FAM83H: variants seen among roughly 807,000 people sequenced by gnomAD.
The protein encoded by FAM83H is protein FAM83H.
Under a neutral mutation model 30.2 loss-of-function variants are expected in FAM83H, and 24 were observed. That is an observed-to-expected ratio of 0.79 (90% CI 0.57 to 1.12). The LOEUF (loss-of-function observed/expected upper bound fraction) is 1.12, where lower values mean the gene tolerates loss of function less well. FAM83H is among the 50% of genes most tolerant of loss of function. The pLI, the probability that FAM83H is intolerant of heterozygous loss-of-function variation, is 0.00. For synonymous variants in FAM83H, 1,013 were observed against 821.7 expected (o/e 1.23, Z -3.98); for missense variants, 2,038 against 1,773.9 (o/e 1.15, Z -2.67).
At position 143,727,065 on chromosome 8, in the gene FAM83H, T is replaced by C. The variant is rs1554622285; in HGVS notation, c.2396A>G (p.Gln799Arg). 5 of 1,548,496 alleles carry C rather than the reference T, an allele frequency of 3.2e-6. No homozygotes were observed. The highest frequency in any genetic ancestry group is 1.9e-5 in the Admixed American group (1 of 52,474). The change falls in exon 5 of 5, where the codon CAG (glutamine) becomes CGG (arginine). Residue 799 changes from glutamine to arginine, a missense_variant. Coordinates refer to ENST00000388913, the MANE Select transcript of FAM83H (RefSeq NM_198488.5). ...CLLDLRDSFA[Q>R]QLHQEAERQP... ...CCGCTCCGCCTCCTGGTGCAGCTGC[T>C]GTGCAAAGGAGTCGCGCAGGTCCAG... is the stretch of plus-strand genomic sequence containing the variant.
chr8:143,731,894 C>T, intron 1 of FAM83H: 1 of 973,280 alleles, frequency 1.0e-6, no homozygotes, highest in Non-Finnish European at 1.2e-6. Context: ...CCCACGCACA[C>T]AGGGTCACTG....
chr8:143,727,109 GCGGCGCTCGCCCCCCACGGCA>G lies in FAM83H; in HGVS notation c.2331_2351del (p.Ala778_Arg784del), dbSNP rs1193097271. 1.3e-6 allele frequency: 2 copies of G among 1,535,946 alleles called. No individual in the cohort carries two copies. The highest frequency in any genetic ancestry group is 2.7e-5 in the African/African-American group (2 of 73,060). ...GGTCCAGCAGGCAGCTCTCGAGGCT[GCGGCGCTCGCCCCCCACGGCA>G]CCTGGGGCCGCCACCTCTTCCCGCC... On this transcript the variant is annotated inframe_deletion, in exon 5 of 5. Transcript: ENST00000388913.
rs1554623326 is a variant in FAM83H at position 143,728,359 on chromosome 8, C to T, written c.1102G>A (p.Glu368Lys). The T allele has an allele frequency of 6.5e-7, 1 of 1,541,978 alleles. No individual in the cohort carries two copies. Among genetic ancestry groups the T allele is most frequent in the Admixed American group, 2.0e-5 (1 of 50,658 alleles). The change falls in exon 5 of 5, where the codon GAA becomes AAA. Residue 368 changes from glutamate (E) to lysine (K), a missense_variant. Glu to Lys is a moderately conservative substitution (Grantham distance 56, BLOSUM62 1). Coordinates refer to ENST00000388913, the MANE Select transcript of FAM83H (RefSeq NM_198488.5). ...EPPRMPGGAL[E>K]PHAGLRPLSR... ...AGCGGCCGCAGCCCCGCGTGCGGTTCCAGCGCGCCCCCCGGCATCCGCGGC... is the reference window on the plus strand; with the variant it reads ...AGCGGCCGCAGCCCCGCGTGCGGTTTCAGCGCGCCCCCCGGCATCCGCGGC...
Position 143,727,520 on chromosome 8 carries a change from G to A in FAM83H, c.1941C>T (p.Ser647=), listed in dbSNP as rs1554622634. 3.2e-6 allele frequency: 5 copies of A among 1,578,794 alleles called. No homozygotes were observed. Among genetic ancestry groups the A allele is most frequent in the African/African-American group, 1.3e-5 (1 of 74,308 alleles). ...PTKVPVPGPG[S]GGNGPEREGP... ...CCTCGCGCTCTGGGCCGTTGCCGCC[G>A]CTGCCCGGGCCTGGCACCGGGACCT... Residue 647 remains serine, a synonymous_variant, in exon 5 of 5, where the codon AGC becomes AGT. Coordinates refer to ENST00000388913, the MANE Select transcript of FAM83H (RefSeq NM_198488.5).
chr8:143,731,266 C>T (rs532054688), intron 1 of FAM83H: 1 of 913,998 alleles, frequency 1.1e-6, no homozygotes, highest in South Asian at 5.0e-5. Flanking sequence ...GCCGCCCATG[C>T]TGCCCATGTG....
rs1337008633 is a variant in FAM83H, at chr8:143,726,056, G to A, written c.3405C>T (p.Arg1135=). The A allele has an allele frequency of 8.1e-6, 13 of 1,612,376 alleles. No homozygotes were observed. The highest frequency in any genetic ancestry group is 1.0e-5 in the Non-Finnish European group (12 of 1,179,820). ...SMRKEKRVYS[R]FEVFCKKEEA... ...CCTCTTTCTTGCAGAAGACCTCGAA[G>A]CGGCTGTACACGCGCTTCTCCTTGC... The change falls in exon 5 of 5, where the codon CGC becomes CGT. Residue 1135 remains arginine, a synonymous_variant. Transcript: ENST00000388913.
chr8:143,727,381 C>A lies in FAM83H; in HGVS notation c.2080G>T (p.Glu694Ter), dbSNP rs137854443. 6.4e-7 allele frequency: 1 copy of A among 1,572,064 alleles called. No homozygotes were observed. Among genetic ancestry groups the A allele is most frequent in the Non-Finnish European group, 8.6e-7 (1 of 1,167,368 alleles). ...GCCGCCGCAGCCCCGGCCGCGCCCTCGGCCTGTGACGTGCTGAAGATGAGC... is the reference window on the plus strand; with the variant it reads ...GCCGCCGCAGCCCCGGCCGCGCCCTAGGCCTGTGACGTGCTGAAGATGAGC... ...SSLIFSTSQA[E>*]GAAGAAAATE... Residue 694 changes from glutamate to a stop codon, truncating the protein, a stop_gained, in exon 5 of 5, where the codon GAG becomes TAG. Coordinates refer to ENST00000388913, the MANE Select transcript of FAM83H (RefSeq NM_198488.5). LOFTEE classifies it low-confidence loss of function (END_TRUNC).
rs1818390587 is a variant in FAM83H, at chr8:143,728,398, G to A, written c.1063C>T (p.Arg355Cys). Reference sequence around the variant, plus strand: ...GGCATCCGCGGCGGCTCCTCCCGGCGGAAGGCCGACAGGAAGTGGCGGTCC... The same window carrying A: ...GGCATCCGCGGCGGCTCCTCCCGGCAGAAGGCCGACAGGAAGTGGCGGTCC... The part of the protein sequence containing the change: ...DPDRHFLSAF[R>C]REEPPRMPGG... Residue 355 changes from arginine to cysteine, a missense_variant, in exon 5 of 5, where the codon CGC becomes TGC. Transcript: ENST00000388913. 2.6e-6 allele frequency: 4 copies of A among 1,547,014 alleles called. No individual in the cohort carries two copies. Among genetic ancestry groups the A allele is most frequent in the Non-Finnish European group, 3.5e-6 (4 of 1,144,942 alleles).
intron 1 of FAM83H, chr8:143,731,918 C>A (rs2129703042): frequency 1.0e-6 from 1 of 985,444 alleles, no homozygotes; most frequent in South Asian, 4.7e-5. Context: ...TACCTGGGTA[C>A]CTCTCCCTGG....
Position 143,727,302 on chromosome 8 carries a change from C to T in FAM83H, c.2159G>A (p.Gly720Glu), listed in dbSNP as rs1554622465. ...HKEQTVSETL[G>E]PGGEAVRSAA... ...GGAGCGCACGGCCTCTCCGCCGGGC[C>T]CCAGCGTCTCGCTGACCGTCTGCTC... The change falls in exon 5 of 5, where the codon GGG (glycine) becomes GAG (glutamate). Residue 720 changes from glycine to glutamate, a missense_variant. Transcript: ENST00000388913. 6.5e-7 allele frequency: 1 copy of T among 1,541,182 alleles called. No homozygotes were observed. The highest frequency in any genetic ancestry group is 1.9e-5 in the Admixed American group (1 of 51,552).
chr8:143,729,739 G>T (rs369750189), intron 2 of FAM83H, among the ~76,000 whole-genome samples: 11 of 152,316 alleles, frequency 7.2e-5, no homozygotes, highest in African/African-American at 2.6e-4. Flanking sequence ...AGCCTTTAGC[G>T]TCTGGACCTC....
intron 1 of FAM83H, chr8:143,732,319 A>C: frequency 1.0e-6 from 1 of 985,400 alleles, no homozygotes; most frequent in Non-Finnish European, 1.2e-6. Context: ...GTTAGGGCAC[A>C]CCGCTCTGGT....
chr8:143,729,041 C>G lies in FAM83H; in HGVS notation c.663G>C (p.Gly221=), dbSNP rs1554623667. 3.1e-6 allele frequency: 5 copies of G among 1,613,668 alleles called. No homozygotes were observed. Among genetic ancestry groups the G allele is most frequent in the Non-Finnish European group, 4.2e-6 (5 of 1,180,008 alleles). Residue 221 remains glycine (G), a synonymous_variant, in exon 4 of 5, where the codon GGG becomes GGC. Transcript: ENST00000388913. ...VAGPTYYCRT[G]KSFKGHVKEK... ...CCTTGACGTGGCCCTTGAAGGACTT[C>G]CCAGTGCGGCAGTAGTAGGTGGGGC...
chr8:143,726,589 G>T lies in FAM83H; in HGVS notation c.2872C>A (p.Pro958Thr), dbSNP rs1554621906. ...AGPAEEGPSG[P>T]MEVLRKGSLR... ...GAGCCTTTGCGCAGGACTTCCATGG[G>T]GCCGCTCGGCCCCTCCTCCGCGGGC... Residue 958 changes from proline to threonine, a missense_variant, in exon 5 of 5, where the codon CCC becomes ACC. Coordinates refer to ENST00000388913, the MANE Select transcript of FAM83H (RefSeq NM_198488.5). The T allele has an allele frequency of 1.2e-6, 2 of 1,600,816 alleles. No homozygotes were observed. Among genetic ancestry groups the T allele is most frequent in the South Asian group, 1.1e-5 (1 of 90,718 alleles).
In FAM83H at chr8:143,727,019, G is replaced by A; in HGVS notation, c.2442C>T (p.Leu814=). 3.8e-6 allele frequency: 6 copies of A among 1,567,688 alleles called. No homozygotes were observed. Among genetic ancestry groups the A allele is most frequent in the South Asian group, 2.3e-5 (2 of 87,340 alleles). ...GTGTGTCGAGCAGCTGCGCCGCGGTGAGCGACGCGGCTCCCGGCTGCCGCT... is the reference window on the plus strand; with the variant it reads ...GTGTGTCGAGCAGCTGCGCCGCGGTAAGCGACGCGGCTCCCGGCTGCCGCT... The part of the protein sequence containing the change: ...EAERQPGAAS[L]TAAQLLDTLG... The change falls in exon 5 of 5, where the codon CTC becomes CTT. Residue 814 remains leucine, a synonymous_variant. Transcript: ENST00000388913.
In FAM83H at chr8:143,730,534, G is replaced by C. The variant is rs1038463206; in HGVS notation, c.49C>G (p.Pro17Ala). The C allele has an allele frequency of 1.1e-5, 18 of 1,574,018 alleles. No individual in the cohort carries two copies. The highest frequency in any genetic ancestry group is 1.5e-5 in the Non-Finnish European group (17 of 1,158,278). Residue 17 changes from proline (P) to alanine (A), a missense_variant, in exon 2 of 5, where the codon CCC (proline) becomes GCC (alanine). Physicochemically the swap from Pro to Ala is conservative, Grantham distance 27. Coordinates refer to ENST00000388913, the MANE Select transcript of FAM83H (RefSeq NM_198488.5). The stretch of plus-strand genomic sequence containing the variant: ...TTGTAGTGAGGCGGCAGGTACCCGG[G>C]TGCCAGTGGGTTGTCCCCCTGCGAG... ...SSSQGDNPLA[P>A]GYLPPHYKEY...
rs560810643 is a variant in FAM83H, at chr8:143,730,556, C to A, written c.27G>T (p.Ser9=). 2.6e-6 allele frequency: 4 copies of A among 1,561,900 alleles called. No homozygotes were observed. The highest frequency in any genetic ancestry group is 3.5e-6 in the Non-Finnish European group (4 of 1,153,946). The part of the protein sequence containing the change: MARRSQSS[S]QGDNPLAPGY... ...CGGGTGCCAGTGGGTTGTCCCCCTG[C>A]GAGGAGCTCTGAGAGCGACGGGCCA... Residue 9 remains serine (S), a synonymous_variant, in exon 2 of 5, where the codon TCG becomes TCT. Coordinates refer to ENST00000388913, the MANE Select transcript of FAM83H (RefSeq NM_198488.5).
Position 143,728,796 on chromosome 8 carries a change from GGC to G in FAM83H, c.738-75_738-74del, listed in dbSNP as rs1818407888. 3.8e-6 allele frequency: 6 copies of G among 1,597,950 alleles called. No homozygotes were observed. In the Admixed American group the frequency reaches 8.3e-5, roughly 22 times the overall value. On this transcript the variant is annotated intron_variant, in intron 4 of 4. Transcript: ENST00000388913. ...CTGCAGCCCCGTGGGCAGCGGGTGGGGCGCGGAGGACGCAGGGATGTGAGGTC... is the reference window on the plus strand; with the variant it reads ...CTGCAGCCCCGTGGGCAGCGGGTGGGGCGGAGGACGCAGGGATGTGAGGTC...
chr8:143,729,890 G>A (rs1554623928), intron 2 of FAM83H, among the ~76,000 whole-genome samples: 5 of 152,294 alleles, frequency 3.3e-5, no homozygotes. Flanking sequence ...CTGGTGGGGT[G>A]CCCACCCATC....
Sources: gnomAD v4.1 joint callset for allele counts (sites outside exome capture counted in the v4.1 genomes callset) on GRCh38, gnomAD v4.1.1 for gene constraint, MANE v1.5 for transcripts, NCBI Gene and HGNC (gene_info 2026-07-23, HGNC 2026-07-21) for gene names.